Variants in TMEM232 observed in about 807,000 individuals in gnomAD.
The protein encoded by TMEM232 is transmembrane protein 232.
A neutral mutation model predicts 78.8 loss-of-function variants in TMEM232; 80 were observed. The observed-to-expected ratio is 1.01, with a 90% confidence interval of 0.85 to 1.22. The LOEUF is 1.22. Among genes scored for constraint, TMEM232 ranks in the 50% most tolerant of loss-of-function variants. TMEM232 has a pLI of 0.00. For synonymous variants in TMEM232, 297 were observed against 254.3 expected, an observed-to-expected ratio of 1.17 and a Z score of -1.60; for missense variants, 881 against 742.2, an observed-to-expected ratio of 1.19 and a Z score of -2.17.
intron 10 of TMEM232, among the ~76,000 whole-genome samples, chr5:110,591,727 A>T (rs1779562448): frequency 6.6e-6 from 1 of 152,198 alleles, no homozygotes; most frequent in African/African-American, 2.4e-5. Flanking sequence ...TATTCAAGTG[A>T]CAAAATTAAA....
chr5:110,395,805 G>T (rs960286458), intron 3 of TMEM232, among the ~76,000 whole-genome samples: 2 of 152,126 alleles, frequency 1.3e-5, no homozygotes, highest in African/African-American at 4.8e-5. Context: ...GGAGTTGTCT[G>T]TGCAACTTCC....
chr5:110,561,441 T>G (rs1775734249), intron 11 of TMEM232, among the ~76,000 whole-genome samples: 1 of 151,986 alleles, frequency 6.6e-6, no homozygotes, highest in Non-Finnish European at 1.5e-5. Flanking sequence ...TTTATGAGAA[T>G]TAAATAATTA....
chr5:110,394,541 A>C (rs1023411351), intron 3 of TMEM232, among the ~76,000 whole-genome samples: 1 of 152,114 alleles, frequency 6.6e-6, no homozygotes, highest in African/African-American at 2.4e-5. Context: ...ACTAATTTCC[A>C]TTCCCATCAA....
At chr5:110,612,422 G>A (rs1270807779) in intron 8 of TMEM232, among the ~76,000 whole-genome samples, 2 of 152,020 alleles carry the variant, frequency 1.3e-5, no homozygotes, top group Non-Finnish European at 2.9e-5. Context: ...AACAAACAAC[G>A]AAAACCTACA....
chr5:110,478,897 ATTTTTTT>A (rs746104997), intron 12 of TMEM232, among the ~76,000 whole-genome samples: 122 of 111,798 alleles, frequency 1.1e-3, no homozygotes, highest in African/African-American at 3.4e-3. Context: ...GGAGAAATTG[ATTTTTTT>A]TTTTTTTTTT....
chr5:110,532,483 G>A (rs562214866), intron 11 of TMEM232, among the ~76,000 whole-genome samples: 15 of 151,980 alleles, frequency 9.9e-5, no homozygotes, highest in Middle Eastern at 6.8e-3. Context: ...CATAACTGTT[G>A]TGGGTACTGA....
At chr5:110,466,712 A>G (rs1047092590) in intron 12 of TMEM232, among the ~76,000 whole-genome samples, 1 of 151,180 alleles carries the variant, frequency 6.6e-6, no homozygotes, top group African/African-American at 2.4e-5. Context: ...TCCTGGGTTC[A>G]TGCCATTCTC....
chr5:110,512,216 G>A (rs181090866), intron 12 of TMEM232, among the ~76,000 whole-genome samples: 1 of 152,192 alleles, frequency 6.6e-6, no homozygotes, highest in East Asian at 1.9e-4. Context: ...TTTTTATTAA[G>A]TACTATATCT....
intron 7 of TMEM232, among the ~76,000 whole-genome samples, chr5:110,624,343 T>C (rs2149928221): frequency 6.6e-6 from 1 of 151,890 alleles, no homozygotes; most frequent in Non-Finnish European, 1.5e-5. Flanking sequence ...TGTAAAAGAG[T>C]TAGGGCAGAC....
chr5:110,473,563 T>A (rs1762905094), intron 12 of TMEM232, among the ~76,000 whole-genome samples: 1 of 151,132 alleles, frequency 6.6e-6, no homozygotes, highest in Non-Finnish European at 1.5e-5. Context: ...ACACCTACTA[T>A]GTACTCTCAA....
At chr5:110,488,687 G>T (rs1243998899) in intron 12 of TMEM232, among the ~76,000 whole-genome samples, 6 of 151,854 alleles carry the variant, frequency 4.0e-5, no homozygotes, top group Non-Finnish European at 8.8e-5. Context: ...TAAACCTAAA[G>T]CCAGAAGTAA....
At chr5:110,492,184 C>G (rs1317746564) in intron 12 of TMEM232, among the ~76,000 whole-genome samples, 1 of 151,106 alleles carries the variant, frequency 6.6e-6, no homozygotes, top group Non-Finnish European at 1.5e-5. Context: ...GCACATGTAC[C>G]CTAAAACTTA....
At chr5:110,465,364 A>ACAT (rs1761962560) in intron 12 of TMEM232, among the ~76,000 whole-genome samples, 1 of 152,178 alleles carries the variant, frequency 6.6e-6, no homozygotes, top group Admixed American at 6.5e-5. Flanking sequence ...TTGGTGGTTA[A>ACAT]CATCTTATGA....
chr5:110,390,194 TTCTC>T (rs1755129244), intron 4 of TMEM232, among the ~76,000 whole-genome samples: 1 of 152,318 alleles, frequency 6.6e-6, no homozygotes, highest in South Asian at 2.1e-4. Flanking sequence ...TGAGTGTTAT[TTCTC>T]TATCAAACAT....
chr5:110,415,291 C>T (rs1756155100), downstream of TMEM232, among the ~76,000 whole-genome samples: 1 of 151,680 alleles, frequency 6.6e-6, no homozygotes, highest in Non-Finnish European at 1.5e-5. Context: ...AGGTTCACGC[C>T]ATTCTCCCGC....
intron 12 of TMEM232, among the ~76,000 whole-genome samples, chr5:110,501,135 A>T (rs1229076628): frequency 6.6e-6 from 1 of 152,154 alleles, no homozygotes; most frequent in Admixed American, 6.6e-5. Context: ...AGCAAGCAAA[A>T]ATGGGTGTAA....
At chr5:110,447,833 C>A (rs1283642505) in intron 12 of TMEM232, among the ~76,000 whole-genome samples, 3 of 151,882 alleles carry the variant, frequency 2.0e-5, no homozygotes, top group Non-Finnish European at 4.4e-5. Flanking sequence ...TATGGATTGC[C>A]AATTCAAGAT....
chr5:110,408,337 A>G (rs1380203064), intron 2 of TMEM232, among the ~76,000 whole-genome samples: 1 of 152,192 alleles, frequency 6.6e-6, no homozygotes, highest in African/African-American at 2.4e-5. Context: ...CACACCTGTA[A>G]TCCCAGCACT....
chr5:110,538,344 G>T (rs775465957), intron 11 of TMEM232, among the ~76,000 whole-genome samples: 7 of 152,124 alleles, frequency 4.6e-5, no homozygotes, highest in Non-Finnish European at 1.0e-4. Context: ...TCAGGTTTTT[G>T]ATACTGCTGT....
Sources: gnomAD v4.1 joint callset for allele counts (sites outside exome capture counted in the v4.1 genomes callset) on GRCh38, gnomAD v4.1.1 for gene constraint, MANE v1.5 for transcripts, NCBI Gene and HGNC (gene_info 2026-07-23, HGNC 2026-07-21) for gene names.